TULP4: variants seen among roughly 807,000 people sequenced by gnomAD.
The protein encoded by TULP4 is TUB like protein 4.
In TULP4, 16 loss-of-function variants were observed where a neutral mutation model predicts 129.0. That is an observed-to-expected ratio of 0.12 (90% CI 0.08 to 0.19). TULP4 has a LOEUF of 0.19. Among genes scored for constraint, TULP4 ranks in the 10% least tolerant of loss-of-function variants. TULP4 has a pLI of 1.00. For missense variants in TULP4, 1,842 were observed against 2,059.1 expected, an observed-to-expected ratio of 0.89 and a Z score of 2.04; for synonymous variants, 998 against 854.0, an observed-to-expected ratio of 1.17 and a Z score of -2.94.
At chr6:158,325,003 A>G (rs1779714311) in intron 1 of TULP4, among the ~76,000 whole-genome samples, 1 of 152,226 alleles carries the variant, frequency 6.6e-6, no homozygotes, top group Non-Finnish European at 1.5e-5. Context: ...GTGGGACCAG[A>G]CATACATAGT....
chr6:158,325,890 C>G (rs1779735219), intron 1 of TULP4, among the ~76,000 whole-genome samples: 1 of 151,362 alleles, frequency 6.6e-6, no homozygotes, highest in Admixed American at 6.6e-5. Flanking sequence ...TAACTCCTGT[C>G]TCCCCCCCTC....
intron 3 of TULP4, among the ~76,000 whole-genome samples, chr6:158,432,520 T>A (rs1778653809): frequency 6.6e-6 from 1 of 152,158 alleles, no homozygotes; most frequent in Non-Finnish European, 1.5e-5. Flanking sequence ...TTGAGCTATA[T>A]TGGATTATAG....
chr6:158,294,725 T>TTTC (rs760586202), intron 1 of TULP4, among the ~76,000 whole-genome samples: 3 of 152,088 alleles, frequency 2.0e-5, no homozygotes, highest in Admixed American at 6.5e-5. Flanking sequence ...TTTTTTCTTC[T>TTTC]TTCTTCTTCT....
chr6:158,440,230 A>G (rs776951227), intron 3 of TULP4, among the ~76,000 whole-genome samples: 2 of 147,454 alleles, frequency 1.4e-5, no homozygotes, highest in Non-Finnish European at 3.0e-5. Flanking sequence ...AGGTGGGAGG[A>G]CTGCTTGAGC....
In TULP4 at chr6:158,408,152, G is replaced by A. The variant is rs144070608; in HGVS notation, c.253-4913G>A. 1.3e-3 allele frequency among the ~76,000 whole-genome samples: 192 copies of A among 152,250 alleles called. 1 individual carries two copies. The highest frequency in any genetic ancestry group is 4.2e-3 in the African/African-American group (176 of 41,548). On this transcript the variant is annotated intron_variant, in intron 1 of 13. Transcript: ENST00000367097. ...GTGTGGAACATTTGTGTGACGGAGC[G>A]CAGTGTACCGTATGGGCCGGGACTG... is the stretch of plus-strand genomic sequence containing the variant.
chr6:158,339,800 TACAA>T (rs1285515329), intron 1 of TULP4, among the ~76,000 whole-genome samples: 2 of 152,302 alleles, frequency 1.3e-5, no homozygotes, highest in South Asian at 2.1e-4. Flanking sequence ...ACACATGCTC[TACAA>T]ACAATTTGTG....
intron 3 of TULP4, among the ~76,000 whole-genome samples, chr6:158,435,575 C>T (rs1325376046): frequency 1.3e-5 from 2 of 152,088 alleles, no homozygotes; most frequent in Non-Finnish European, 2.9e-5. Context: ...AACCTCAGAC[C>T]TCTCCCCTTT....
Position 158,506,619 on chromosome 6 carries a change from A to G in TULP4, c.4557A>G (p.Leu1519=), listed in dbSNP as rs3828712. 602,576 of 1,612,550 alleles carry G rather than the reference A, an allele frequency of 0.37. 114,435 individuals carry two copies. Among genetic ancestry groups the G allele is most frequent in the African/African-American group, 0.5 (37,817 of 74,904 alleles). Residue 1519 remains leucine, a synonymous_variant, in exon 14 of 14, where the codon CTA becomes CTG. Transcript: ENST00000367097. The part of the protein sequence containing the change: ...FGRIDGSAYI[L]DFQYPFSAVQ... ...GGATTGATGGCAGTGCGTACATTCT[A>G]GACTTCCAGTATCCGTTCTCAGCCG...
intron 1 of TULP4, among the ~76,000 whole-genome samples, chr6:158,301,822 C>A (rs570194507): frequency 2.0e-5 from 3 of 152,172 alleles, no homozygotes; most frequent in Non-Finnish European, 4.4e-5. Context: ...AGATTGGAAT[C>A]TCCACACAGC....
At chr6:158,356,095 T>C (rs996154443) in intron 1 of TULP4, among the ~76,000 whole-genome samples, 7 of 152,246 alleles carry the variant, frequency 4.6e-5, no homozygotes, top group East Asian at 3.8e-4. Context: ...TTGCATCTTA[T>C]TTGTTTACAT....
At chr6:158,325,645 C>G (rs1365329168) in intron 1 of TULP4, among the ~76,000 whole-genome samples, 1 of 152,114 alleles carries the variant, frequency 6.6e-6, no homozygotes, top group Non-Finnish European at 1.5e-5. Flanking sequence ...GCCACCGCGC[C>G]CAGCCGAGGA....
intron 8 of TULP4, among the ~76,000 whole-genome samples, chr6:158,488,031 T>C (rs1022841633): frequency 6.6e-6 from 1 of 152,160 alleles, no homozygotes; most frequent in African/African-American, 2.4e-5. Flanking sequence ...TTTGGGAGGC[T>C]GAGGCAGGAG....
At chr6:158,325,335 G>A (rs1779721626) in intron 1 of TULP4, among the ~76,000 whole-genome samples, 1 of 149,906 alleles carries the variant, frequency 6.7e-6, no homozygotes, top group African/African-American at 2.5e-5. Context: ...TAAACTGAAG[G>A]GATTTGAGGA....
At chr6:158,288,002 C>A (rs1778860135) in intron 1 of TULP4, among the ~76,000 whole-genome samples, 2 of 152,116 alleles carry the variant, frequency 1.3e-5, no homozygotes, top group East Asian at 3.8e-4. Flanking sequence ...GAGGGGAGGT[C>A]ATGTGGTCTA....
Position 158,502,236 on chromosome 6 carries a change from A to AC in TULP4, c.2573_2574insC (p.Gln858HisfsTer29). On this transcript the variant is annotated frameshift_variant, in exon 13 of 14. Coordinates refer to ENST00000367097, the MANE Select transcript of TULP4 (RefSeq NM_020245.5). LOFTEE classifies it high-confidence loss of function. ...CCCCCGCCCCCTCTGCCGCCCCCAC[A>AC]GCCCCCAGTGGATGTGTGCTTGAAG... 1.5e-6 allele frequency: 1 copy of AC among 676,152 alleles called. No individual in the cohort carries two copies. The highest frequency in any genetic ancestry group is 1.9e-6 in the Non-Finnish European group (1 of 531,644). The allele number at this position is 676,152 out of a possible 1,614,324, so 41.9% of individuals were successfully genotyped here. A position where few individuals can be genotyped will look rare whatever the true frequency, so the allele number is the denominator to read the frequency against.
intron 5 of TULP4, among the ~76,000 whole-genome samples, chr6:158,453,952 CAA>C (rs55767813): frequency 8.4e-6 from 1 of 118,678 alleles, no homozygotes; most frequent in African/African-American, 3.4e-5. Flanking sequence ...GACTCCGTCT[CAA>C]AAAAAAAAAG....
chr6:158,503,639 G>T lies in TULP4; in HGVS notation c.3976G>T (p.Val1326Phe). The stretch of plus-strand genomic sequence containing the variant: ...AGTCCTCTCCCTGACCGAAAGCCCA[G>T]TCCCCCAGCGGACAGAAAAATTTGG... ...QEVLSLTESP[V>F]PQRTEKFGKK... Residue 1326 changes from valine (V) to phenylalanine (F), a missense_variant, in exon 13 of 14, where the codon GTC becomes TTC. By Grantham distance (50) the Val-to-Phe change is conservative. Coordinates refer to ENST00000367097, the MANE Select transcript of TULP4 (RefSeq NM_020245.5). This position sits in a 1 kb window ranked among gnomAD's most constrained non-coding sequence, Gnocchi z 4.3. The T allele has an allele frequency of 6.2e-7, 1 of 1,614,072 alleles. No individual in the cohort carries two copies. Among genetic ancestry groups the T allele is most frequent in the Non-Finnish European group, 8.5e-7 (1 of 1,180,016 alleles).
At chr6:158,331,771 G>GTCTA (rs1779897029) in intron 1 of TULP4, among the ~76,000 whole-genome samples, 1 of 30,856 alleles carries the variant, frequency 3.2e-5, no homozygotes, top group Admixed American at 5.0e-4. Context: ...ATATATACAC[G>GTCTA]TATATATACA....
intron 11 of TULP4, among the ~76,000 whole-genome samples, chr6:158,497,694 CAA>C (rs1474999284): frequency 1.3e-5 from 2 of 152,208 alleles, no homozygotes; most frequent in African/African-American, 4.8e-5. Flanking sequence ...CCTTTGTGGA[CAA>C]GAGAGAGAAA....
Sources: allele counts gnomAD v4.1 joint callset (sites outside exome capture counted in the v4.1 genomes callset), GRCh38; gene constraint gnomAD v4.1.1; non-coding constraint Gnocchi (gnomAD v3.1); transcripts MANE v1.5; gene names NCBI Gene and HGNC (gene_info 2026-07-23, HGNC 2026-07-21).